The following FCHO2 variants were observed in gnomAD, a reference collection of about 807,000 sequenced individuals.
The protein encoded by FCHO2 is F-BAR domain only protein 2.
A neutral mutation model predicts 114.1 loss-of-function variants in FCHO2; 43 were observed. That is an observed-to-expected ratio of 0.38 (90% CI 0.30 to 0.49). The LOEUF is 0.49. Ranked by LOEUF, FCHO2 falls within the 20% of genes least tolerant of loss-of-function variation. The pLI, the probability that FCHO2 is intolerant of heterozygous loss-of-function variation, is 0.97. For missense variants in FCHO2, 807 were observed against 950.4 expected, an observed-to-expected ratio of 0.85 and a Z score of 1.98; for synonymous variants, 293 against 315.2, an observed-to-expected ratio of 0.93 and a Z score of 0.75.
chr5:73,048,581 G>T (rs1757179560), intron 11 of FCHO2, among the ~76,000 whole-genome samples: 1 of 152,196 alleles, frequency 6.6e-6, no homozygotes, highest in Admixed American at 6.5e-5. Flanking sequence ...ATTCAGCTGT[G>T]CTTGGACATT....
In FCHO2 at chr5:72,990,634, C is replaced by T; in HGVS notation, c.342+15C>T. 1 of 1,526,592 alleles carries T rather than the reference C, an allele frequency of 6.6e-7. No individual in the cohort carries two copies. Among genetic ancestry groups the T allele is most frequent in the African/African-American group, 1.4e-5 (1 of 71,300 alleles). The allele number at this position is 1,526,592 out of a possible 1,614,324, so 94.6% of individuals were successfully genotyped here. ...CTCATAAAAAGGTATCAGTTTTTTT[C>T]TTGTTAAATAATTGATTGGTCAGAT... On this transcript the variant is annotated intron_variant, in intron 4 of 25. Transcript: ENST00000430046.
intron 2 of FCHO2, among the ~76,000 whole-genome samples, chr5:72,980,059 T>C (rs1320046182): frequency 6.6e-6 from 1 of 152,228 alleles, no homozygotes; most frequent in Non-Finnish European, 1.5e-5. Flanking sequence ...TTTAGATCTT[T>C]CCTGCTTTCT....
chr5:72,956,647 C>T (rs1471408693), intron 1 of FCHO2, among the ~76,000 whole-genome samples: 1 of 152,286 alleles, frequency 6.6e-6, no homozygotes, highest in Non-Finnish European at 1.5e-5. Context: ...GCTGGACTAG[C>T]ACTTCCTCTC....
At chr5:72,983,384 A>T (rs1319367083) in intron 2 of FCHO2, among the ~76,000 whole-genome samples, 12 of 150,104 alleles carry the variant, frequency 8.0e-5, no homozygotes, top group Admixed American at 6.6e-4. Flanking sequence ...TTTTATTTTT[A>T]TTTATTTATT....
intron 2 of FCHO2, among the ~76,000 whole-genome samples, chr5:72,984,335 G>C (rs1753389647): frequency 1.3e-5 from 2 of 149,454 alleles, no homozygotes; most frequent in Admixed American, 6.6e-5. Flanking sequence ...AGATTGGCCT[G>C]AACATTTTCT....
In FCHO2 at chr5:73,073,854, A is replaced by T. The variant is rs1255919867; in HGVS notation, c.1580-888A>T. On this transcript the variant is annotated intron_variant, in intron 19 of 25. Transcript: ENST00000430046. ...AGATAAGTGTTGACCTAGATTATTTATTTTTTTCACTAAGGATGAATAATT... is the reference window on the plus strand; with the variant it reads ...AGATAAGTGTTGACCTAGATTATTTTTTTTTTTCACTAAGGATGAATAATT... Among the ~76,000 whole-genome samples, 3 of 152,036 alleles carry T rather than the reference A, an allele frequency of 2.0e-5. No individual in the cohort carries two copies. The East Asian group carries it at 5.8e-4, about 29-fold the overall frequency.
intron 16 of FCHO2, among the ~76,000 whole-genome samples, chr5:73,057,928 G>A (rs903448076): frequency 5.9e-5 from 9 of 152,014 alleles, no homozygotes; most frequent in African/African-American, 1.7e-4. Context: ...CTTAGGTTAC[G>A]CTTCTAACAA....
intron 6 of FCHO2, among the ~76,000 whole-genome samples, chr5:73,015,018 G>A (rs1188296686): frequency 7.0e-6 from 1 of 143,518 alleles, no homozygotes; most frequent in Non-Finnish European, 1.5e-5. Flanking sequence ...GGAGCTTCCA[G>A]TGAGCCAAGA....
intron 2 of FCHO2, among the ~76,000 whole-genome samples, chr5:72,988,295 G>C (rs1038480486): frequency 2.0e-5 from 3 of 152,056 alleles, no homozygotes; most frequent in African/African-American, 7.2e-5. Flanking sequence ...AAAATTAGCT[G>C]GGTGTGGTGG....
intron 2 of FCHO2, among the ~76,000 whole-genome samples, chr5:72,976,969 T>C (rs1044900093): frequency 6.6e-6 from 1 of 152,216 alleles, no homozygotes; most frequent in African/African-American, 2.4e-5. Flanking sequence ...TGCTTTTTTA[T>C]GGCTGCGTAG....
At chr5:73,068,167 TAC>T (rs982879703) in intron 18 of FCHO2, among the ~76,000 whole-genome samples, 6 of 152,074 alleles carry the variant, frequency 3.9e-5, no homozygotes, top group African/African-American at 1.4e-4. Flanking sequence ...CTCCCCAAAT[TAC>T]ATCAACCCAT....
In FCHO2 at chr5:73,052,312, A is replaced by G; in HGVS notation, c.998-20A>G. The G allele has an allele frequency of 1.9e-6, 3 of 1,583,420 alleles. No individual in the cohort carries two copies. The highest frequency in any genetic ancestry group is 1.7e-4 in the Middle Eastern group (1 of 5,902). Reference sequence around the variant, plus strand: ...ATACGTCTAAGGTAATTTAAAAACAATTCTTTAACTGAAACTCACATACCA... The same window carrying G: ...ATACGTCTAAGGTAATTTAAAAACAGTTCTTTAACTGAAACTCACATACCA... On this transcript the variant is annotated intron_variant, in intron 12 of 25. Coordinates refer to ENST00000430046, the MANE Select transcript of FCHO2 (RefSeq NM_138782.3).
At chr5:72,976,485 A>G (rs1442242313) in intron 2 of FCHO2, among the ~76,000 whole-genome samples, 2 of 152,096 alleles carry the variant, frequency 1.3e-5, no homozygotes, top group Non-Finnish European at 2.9e-5. Context: ...CTGCGATTAC[A>G]GGAGGGAACC....
chr5:72,996,540 ACCCCTT>A (rs1358349715), intron 5 of FCHO2, among the ~76,000 whole-genome samples: 2 of 120,866 alleles, frequency 1.7e-5, no homozygotes, highest in African/African-American at 6.3e-5. Context: ...CCCCTCCCTT[ACCCCTT>A]CATCCTTGCT....
intron 18 of FCHO2, among the ~76,000 whole-genome samples, chr5:73,065,508 A>G (rs968378748): frequency 6.6e-6 from 1 of 152,052 alleles, no homozygotes; most frequent in Non-Finnish European, 1.5e-5. Context: ...GCAACATTAA[A>G]CAGTTATTTA....
At chr5:73,086,226 A>G (rs1743307211) in intron 24 of FCHO2, among the ~76,000 whole-genome samples, 1 of 152,226 alleles carries the variant, frequency 6.6e-6, no homozygotes, top group Non-Finnish European at 1.5e-5. Flanking sequence ...GTGATTGTCA[A>G]GGTTGTTGCT....
At chr5:72,994,894 T>A (rs948530875) in intron 5 of FCHO2, among the ~76,000 whole-genome samples, 1 of 152,106 alleles carries the variant, frequency 6.6e-6, no homozygotes, top group African/African-American at 2.4e-5. Context: ...TTCTCACTTA[T>A]AAGTGGGAAC....
chr5:72,962,836 T>C (rs1751946405), intron 1 of FCHO2, among the ~76,000 whole-genome samples: 1 of 151,466 alleles, frequency 6.6e-6, no homozygotes. Context: ...GAGGTTGTAG[T>C]GAGCCGAGAT....
chr5:72,987,655 C>T (rs1753607111), intron 2 of FCHO2, among the ~76,000 whole-genome samples: 1 of 152,052 alleles, frequency 6.6e-6, no homozygotes, highest in Admixed American at 6.6e-5. Flanking sequence ...GATGTTTAAT[C>T]TGTACTGGAA....
Sources: allele counts gnomAD v4.1 joint callset (sites outside exome capture counted in the v4.1 genomes callset), GRCh38; gene constraint gnomAD v4.1.1; transcripts MANE v1.5; gene names NCBI Gene and HGNC (gene_info 2026-07-23, HGNC 2026-07-21).